Variants in ASIC2 observed in about 807,000 individuals in gnomAD.
The protein encoded by ASIC2 is acid sensing ion channel subunit 2.
In ASIC2, 25 loss-of-function variants were observed where a neutral mutation model predicts 57.3. The ratio of observed to expected loss-of-function variants is 0.44; its 90% CI spans 0.32 to 0.61. The LOEUF (loss-of-function observed/expected upper bound fraction) is 0.61. ASIC2 is among the 20% of genes least tolerant of loss of function. ASIC2 has a pLI of 0.06. For synonymous variants in ASIC2, 319 were observed against 307.5 expected, an observed-to-expected ratio of 1.04 and a Z score of -0.39; for missense variants, 641 against 738.1, an observed-to-expected ratio of 0.87 and a Z score of 1.52.
intron 1 of ASIC2, among the ~76,000 whole-genome samples, chr17:33,334,163 CAG>C (rs1012943903): frequency 6.6e-6 from 1 of 152,164 alleles, no homozygotes; most frequent in Non-Finnish European, 1.5e-5. Context: ...TCAGGACTTC[CAG>C]AGTCTACATG....
At chr17:33,966,045 C>T (rs1484208634) in intron 1 of ASIC2, among the ~76,000 whole-genome samples, 1 of 152,224 alleles carries the variant, frequency 6.6e-6, no homozygotes, top group African/African-American at 2.4e-5. Flanking sequence ...GAAGAAGAAC[C>T]CAAGCCCCTG....
At position 33,374,432 on chromosome 17, in the gene ASIC2, C is replaced by T. The variant is rs566812886; in HGVS notation, c.556-262365G>A. Among the ~76,000 whole-genome samples, 12 of 152,278 alleles carry T rather than the reference C, an allele frequency of 7.9e-5. No individual in the cohort carries two copies. The South Asian group carries it at 1.9e-3, about 24-fold the overall frequency. ...TGCACGAGGATGGTTTTCCACACCC[C>T]TATGATTTCATCCACAACCAACCAG... is the stretch of plus-strand genomic sequence containing the variant. On this transcript the variant is annotated intron_variant, in intron 1 of 9. Coordinates refer to the ASIC2 transcript ENST00000359872.
Position 33,268,493 on chromosome 17 carries a change from C to T in ASIC2, c.708+22915G>A, listed in dbSNP as rs551324414. 3.5e-4 allele frequency among the ~76,000 whole-genome samples: 54 copies of T among 152,134 alleles called. No homozygotes were observed. The South Asian group carries it at 4.0e-3, about 11-fold the overall frequency. On this transcript the variant is annotated intron_variant, in intron 1 of 9. Transcript: ENST00000225823. ...AATAAGTAAGGACAATCAAAATACA[C>T]AAAGTTAAATGGAACTTCAAAAGCC...
intron 1 of ASIC2, among the ~76,000 whole-genome samples, chr17:33,277,857 T>C (rs1168061636): frequency 6.6e-6 from 1 of 152,178 alleles, no homozygotes; most frequent in Non-Finnish European, 1.5e-5. Context: ...CGGAGGTCAA[T>C]ATTTCCAGAG....
chr17:33,655,699 A>G (rs1329557018), intron 1 of ASIC2, among the ~76,000 whole-genome samples: 2 of 152,200 alleles, frequency 1.3e-5, no homozygotes, highest in African/African-American at 4.8e-5. Flanking sequence ...TATTTTGGGA[A>G]TGATTACTGC....
intron 1 of ASIC2, among the ~76,000 whole-genome samples, chr17:33,786,382 T>C (rs917108577): frequency 6.6e-6 from 1 of 152,076 alleles, no homozygotes; most frequent in African/African-American, 2.4e-5. Context: ...CCCAGACTTC[T>C]TGATGTCAAG....
At chr17:34,139,817 G>C (rs1912225202) in intron 1 of ASIC2, among the ~76,000 whole-genome samples, 1 of 152,070 alleles carries the variant, frequency 6.6e-6, no homozygotes, top group Non-Finnish European at 1.5e-5. Flanking sequence ...TTCTTTCTGA[G>C]GTAATAAAAA....
rs150829399 is a variant in ASIC2, at chr17:34,087,243, A to G, written c.555+68735T>C. Among the ~76,000 whole-genome samples the G allele has an allele frequency of 7.1e-3, 1,070 of 151,628 alleles. 18 individuals are homozygous for G. Among genetic ancestry groups the G allele is most frequent in the African/African-American group, 0.024 (1,001 of 41,000 alleles). On this transcript the variant is annotated intron_variant, in intron 1 of 9. Transcript: ENST00000359872. Reference sequence around the variant, plus strand: ...CTTTTAGGGCAGTCCTGGTGGTGACAAAATCTCTCAGCATTTGCTTGTCTG... The same window carrying G: ...CTTTTAGGGCAGTCCTGGTGGTGACGAAATCTCTCAGCATTTGCTTGTCTG...
rs561147557 is a variant in ASIC2, at chr17:34,032,867, T to A, written c.555+123111A>T. Among the ~76,000 whole-genome samples, 3 of 152,270 alleles carry A rather than the reference T, an allele frequency of 2.0e-5. No homozygotes were observed. In the East Asian group the frequency reaches 5.8e-4, roughly 29 times the overall value. ...GGAGTACCCAGATTCATAAAGTAAG[T>A]CCTTAATGACCTACAAAAAGACTTA... On this transcript the variant is annotated intron_variant, in intron 1 of 9. Transcript: ENST00000359872.
At position 33,807,636 on chromosome 17, in the gene ASIC2, G is replaced by T. The variant is rs184888186; in HGVS notation, c.555+348342C>A. On this transcript the variant is annotated intron_variant, in intron 1 of 9. Coordinates refer to the ASIC2 transcript ENST00000359872. The stretch of plus-strand genomic sequence containing the variant: ...ACTACCAAAAATTACTTCTAACTAG[G>T]TTCCCCACTTCTAATCTTGGGCCCC... Among the ~76,000 whole-genome samples the T allele has an allele frequency of 1.9e-3, 293 of 151,716 alleles. 2 individuals are homozygous for T. The highest frequency in any genetic ancestry group is 0.014 in the Middle Eastern group (4 of 294).
At chr17:33,083,333 A>G (rs1433129793) in intron 3 of ASIC2, among the ~76,000 whole-genome samples, 2 of 152,224 alleles carry the variant, frequency 1.3e-5, no homozygotes, top group Non-Finnish European at 2.9e-5. Context: ...AGTGATCCAC[A>G]TGAAGTAAGC....
At chr17:34,151,994 C>A (rs972772352) in intron 1 of ASIC2, among the ~76,000 whole-genome samples, 1 of 152,140 alleles carries the variant, frequency 6.6e-6, no homozygotes, top group African/African-American at 2.4e-5. Flanking sequence ...TCACATTCTT[C>A]ACCTACATGT....
intron 1 of ASIC2, among the ~76,000 whole-genome samples, chr17:33,212,239 G>C (rs1461315709): frequency 1.3e-5 from 2 of 152,200 alleles, no homozygotes; most frequent in Admixed American, 1.3e-4. Flanking sequence ...TAAGCTCCTT[G>C]AGATAAGAAG....
chr17:34,095,065 C>A (rs544237467), intron 1 of ASIC2, among the ~76,000 whole-genome samples: 2 of 152,310 alleles, frequency 1.3e-5, no homozygotes, highest in African/African-American at 4.8e-5. Context: ...ACCCCTGGGT[C>A]TTCAGTTTCT....
chr17:33,212,284 T>C (rs1292061453), intron 1 of ASIC2, among the ~76,000 whole-genome samples: 4 of 152,150 alleles, frequency 2.6e-5, no homozygotes, highest in African/African-American at 7.2e-5. Context: ...CTCAATGTAG[T>C]CCTGAGGGTC....
At position 33,455,090 on chromosome 17, in the gene ASIC2, G is replaced by A. The variant is rs1026055097; in HGVS notation, c.556-343023C>T. Among the ~76,000 whole-genome samples, 4 of 152,364 alleles carry A rather than the reference G, an allele frequency of 2.6e-5. No homozygotes were observed. The South Asian group carries it at 6.2e-4, about 24-fold the overall frequency. On this transcript the variant is annotated intron_variant, in intron 1 of 9. Coordinates refer to the ASIC2 transcript ENST00000359872. Reference sequence around the variant, plus strand: ...ACTCATAAGCCCTCTTTGGAGAGGAGGCTTTTGTTGTATACAGGTATCCTA... The same window carrying A: ...ACTCATAAGCCCTCTTTGGAGAGGAAGCTTTTGTTGTATACAGGTATCCTA...
At chr17:33,364,891 GT>G (rs1341420258) in intron 1 of ASIC2, among the ~76,000 whole-genome samples, 1 of 152,096 alleles carries the variant, frequency 6.6e-6, no homozygotes, top group Non-Finnish European at 1.5e-5. Context: ...CTCCTAATAA[GT>G]TTCCCTGCTT....
At chr17:33,960,107 G>A (rs1904871319) in intron 1 of ASIC2, among the ~76,000 whole-genome samples, 1 of 152,178 alleles carries the variant, frequency 6.6e-6, no homozygotes, top group African/African-American at 2.4e-5. Context: ...TGACACCAGT[G>A]GGATAAATTC....
intron 1 of ASIC2, among the ~76,000 whole-genome samples, chr17:33,195,847 A>G (rs1487365038): frequency 1.3e-5 from 2 of 152,140 alleles, no homozygotes; most frequent in South Asian, 2.1e-4. Flanking sequence ...TGGGTCATAG[A>G]GTGGGCTGTG....
Sources: allele counts gnomAD v4.1 joint callset (sites outside exome capture counted in the v4.1 genomes callset), GRCh38; gene constraint gnomAD v4.1.1; transcripts MANE v1.5; gene names NCBI Gene and HGNC (gene_info 2026-07-23, HGNC 2026-07-21).